MAP3K7: variants seen among roughly 807,000 people sequenced by gnomAD.
MAP3K7 encodes TGF-beta activated kinase 1.
A neutral mutation model predicts 84.8 loss-of-function variants in MAP3K7; 21 were observed. The ratio of observed to expected loss-of-function variants is 0.25; its 90% confidence interval spans 0.18 to 0.36. The LOEUF (loss-of-function observed/expected upper bound fraction) is 0.36. Among genes scored for constraint, MAP3K7 ranks in the 10% least tolerant of loss-of-function variants. The pLI is 1.00. For missense variants in MAP3K7, 503 were observed against 747.7 expected (o/e 0.67, Z 3.82); for synonymous variants, 241 against 247.7 (o/e 0.97, Z 0.25).
chr6:90,544,794 A>T (rs960287679), intron 11 of MAP3K7, among the ~76,000 whole-genome samples, 162 bp from the exon 12 acceptor site: 1 of 152,138 alleles, frequency 6.6e-6, no homozygotes, highest in African/African-American at 2.4e-5. Flanking sequence ...ATGCTCAGAA[A>T]AGGCGAGATT....
At chr6:90,570,577 T>C (rs1776868889) in intron 2 of MAP3K7, among the ~76,000 whole-genome samples, 1 of 152,114 alleles carries the variant, frequency 6.6e-6, no homozygotes, top group Admixed American at 6.6e-5. Context: ...TCAAAGTAGT[T>C]GTCTTTGGGA....
intron 13 of MAP3K7, 91 bp from the exon 14 acceptor site, chr6:90,523,874 T>C (rs766593104): frequency 6.8e-6 from 5 of 733,456 alleles, no homozygotes; most frequent in Middle Eastern, 2.4e-4. Context: ...AGAAGAGACT[T>C]AGAGATCCCC....
intron 6 of MAP3K7, among the ~76,000 whole-genome samples, chr6:90,555,210 G>C (rs902787927): frequency 6.6e-6 from 1 of 152,006 alleles, no homozygotes; most frequent in African/African-American, 2.4e-5. Context: ...ATATAAGCTT[G>C]ACATTTATTT....
chr6:90,539,691 A>G (rs943193111), intron 12 of MAP3K7, among the ~76,000 whole-genome samples: 2 of 151,826 alleles, frequency 1.3e-5, no homozygotes, highest in Non-Finnish European at 2.9e-5. Flanking sequence ...CCTGGTGGAG[A>G]AAGCAAAATA....
In MAP3K7 at chr6:90,518,551, C is replaced by T. The variant is rs988683193; in HGVS notation, c.1536G>A (p.Pro512=). 2.6e-5 allele frequency: 41 copies of T among 1,584,396 alleles called. No homozygotes were observed. Among genetic ancestry groups the T allele is most frequent in the African/African-American group, 5.4e-5 (4 of 74,160 alleles). The part of the protein sequence containing the change: ...TLDHQLQPLA[P]CPNSKESMAV... ...CCATAGATTCTTTGGAGTTTGGGCA[C>T]GGTGCTAGAGGCTGAAAATAATCAG... Residue 512 remains proline, a synonymous_variant, in exon 16 of 17, where the codon CCG becomes CCA. Coordinates refer to ENST00000369329, the MANE Select transcript of MAP3K7 (RefSeq NM_145331.3).
chr6:90,519,003 A>C (rs34685269), intron 15 of MAP3K7, among the ~76,000 whole-genome samples: 6,806 of 151,990 alleles, frequency 0.045, 249 homozygotes, highest in Non-Finnish European at 0.07. Context: ...GTGAAAATGT[A>C]ATGCTTAGCA....
chr6:90,518,253 C>T (rs1453926718), intron 16 of MAP3K7, among the ~76,000 whole-genome samples, 194 bp downstream of exon 16: 1 of 151,678 alleles, frequency 6.6e-6, no homozygotes, highest in East Asian at 1.9e-4. Flanking sequence ...GTTTATTTTC[C>T]ATAGCACTAA....
chr6:90,578,126 T>G (rs1777147541), intron 1 of MAP3K7, among the ~76,000 whole-genome samples: 1 of 152,210 alleles, frequency 6.6e-6, no homozygotes, highest in Non-Finnish European at 1.5e-5. Context: ...TTATCCTTGT[T>G]GTGGCAAGAT....
chr6:90,557,165 A>G (rs918912548), intron 5 of MAP3K7, among the ~76,000 whole-genome samples: 6 of 152,198 alleles, frequency 3.9e-5, no homozygotes, highest in African/African-American at 1.4e-4. Context: ...CAAATCTATT[A>G]TAGCTAAAAT....
chr6:90,518,389 A>G (rs191395920), intron 16 of MAP3K7, 58 bp downstream of exon 16: 2 of 890,064 alleles, frequency 2.2e-6, no homozygotes, highest in Admixed American at 2.3e-5. Flanking sequence ...GCACCTTATC[A>G]TATTTTAAAC....
intron 3 of MAP3K7, among the ~76,000 whole-genome samples, chr6:90,565,526 C>T (rs1243974647): frequency 6.6e-6 from 1 of 152,092 alleles, no homozygotes; most frequent in East Asian, 1.9e-4. Flanking sequence ...GAAGTTGAAT[C>T]CCTGAATAGA....
intron 12 of MAP3K7, chr6:90,542,392 G>T: frequency 1.0e-6 from 1 of 982,106 alleles, no homozygotes; most frequent in Non-Finnish European, 1.2e-6. Context: ...TTTAATAAAA[G>T]GTATTACTGA....
intron 2 of MAP3K7, among the ~76,000 whole-genome samples, chr6:90,571,423 C>T (rs564987417): frequency 1.5e-3 from 226 of 152,042 alleles, no homozygotes; most frequent in African/African-American, 5.1e-3. Context: ...TAAAATATTA[C>T]GCCTTGAAAT....
At chr6:90,563,719 G>T (rs1364337905) in intron 3 of MAP3K7, among the ~76,000 whole-genome samples, 3 of 152,058 alleles carry the variant, frequency 2.0e-5, no homozygotes, top group Admixed American at 6.6e-5. Context: ...TACAGAGAAC[G>T]CCACAAAGAT....
intron 15 of MAP3K7, among the ~76,000 whole-genome samples, chr6:90,518,811 G>A (rs1775055397): frequency 6.6e-6 from 1 of 151,708 alleles, no homozygotes; most frequent in Non-Finnish European, 1.5e-5. Flanking sequence ...TGTAGTCTCT[G>A]GTATGACATT....
rs1156608524 is a variant in MAP3K7, at chr6:90,515,815, T to A, written c.*686A>T. 3 of 152,026 alleles carry A rather than the reference T, an allele frequency of 2.0e-5. No homozygotes were observed. The highest frequency in any genetic ancestry group is 4.4e-5 in the Non-Finnish European group (3 of 67,908). 9.4% of individuals were successfully genotyped at this position (152,026 alleles called of 1,614,324 possible). ...AAAATCTTTACTCCTTAAAAAAAAA[T>A]GAGTTCCATTTTGTTCAATGTATCA... On this transcript the variant is annotated 3_prime_UTR_variant, in exon 17 of 17. Transcript: ENST00000369329.
chr6:90,532,684 G>A (rs532720386), intron 13 of MAP3K7, among the ~76,000 whole-genome samples: 1 of 152,072 alleles, frequency 6.6e-6, no homozygotes, highest in African/African-American at 2.4e-5. Flanking sequence ...GCATTTATAA[G>A]AATGTATATT....
chr6:90,562,740 T>C (rs1285330553), intron 3 of MAP3K7, among the ~76,000 whole-genome samples: 1 of 152,212 alleles, frequency 6.6e-6, no homozygotes, highest in South Asian at 2.1e-4. Flanking sequence ...TCTCCCAGCA[T>C]GGAGTTTGAG....
chr6:90,516,542 C>A lies in MAP3K7; in HGVS notation c.1780G>T (p.Val594Phe). ...YYQQCKKQLEVIRSQQQKRQG... is the reference protein window; with the variant it reads ...YYQQCKKQLEFIRSQQQKRQG... ...CGTTTCTGCTGCTGACTTCTGATGACCTCTAGTTGTTTTTTGCATTGCTGG... is the reference window on the plus strand; with the variant it reads ...CGTTTCTGCTGCTGACTTCTGATGAACTCTAGTTGTTTTTTGCATTGCTGG... Residue 594 changes from valine to phenylalanine, a missense_variant, in exon 17 of 17, where the codon GTC (valine) becomes TTC (phenylalanine). This residue lies in a region of MAP3K7 where 43 missense variants were observed against 47.3 expected (regional missense o/e 0.91). Transcript: ENST00000369329. 1 of 1,612,352 alleles carries A rather than the reference C, an allele frequency of 6.2e-7. No homozygotes were observed. The highest frequency in any genetic ancestry group is 8.5e-7 in the Non-Finnish European group (1 of 1,178,938).
Sources: gnomAD v4.1 joint callset for allele counts (sites outside exome capture counted in the v4.1 genomes callset) on GRCh38, gnomAD v4.1.1 for gene constraint, gnomAD v4.1.1 regional missense constraint, MANE v1.5 for transcripts, NCBI Gene and HGNC (gene_info 2026-07-23, HGNC 2026-07-21) for gene names.